HNRNPLL: variants seen among roughly 807,000 people sequenced by gnomAD.
HNRNPLL encodes the protein heterogeneous nuclear ribonucleoprotein L-like.
A neutral mutation model predicts 67.1 loss-of-function variants in HNRNPLL; 25 were observed. That is an observed-to-expected ratio of 0.37 (90% confidence interval 0.27 to 0.52). The LOEUF (loss-of-function observed/expected upper bound fraction) is 0.52, where lower values mean the gene tolerates loss of function less well. Among genes scored for constraint, HNRNPLL ranks in the 20% least tolerant of loss-of-function variants. HNRNPLL has a pLI of 0.90. For missense variants in HNRNPLL, 542 were observed against 673.9 expected (o/e 0.80, Z 2.17); for synonymous variants, 267 against 241.7 (o/e 1.10, Z -0.97).
At chr2:38,567,269 AT>A (rs141741843) in intron 12 of HNRNPLL, among the ~76,000 whole-genome samples, 2 of 151,270 alleles carry the variant, frequency 1.3e-5, no homozygotes, top group South Asian at 4.2e-4. Flanking sequence ...CGCCAGGTTA[AT>A]TTTTTTTTAT....
At chr2:38,581,614 T>A in intron 6 of HNRNPLL, 1 of 472,792 alleles carries the variant, frequency 2.1e-6, no homozygotes, top group Non-Finnish European at 3.7e-6. Context: ...ATATTCTGAA[T>A]CAGTTTCCTC....
At chr2:38,599,929 G>T (rs765191130) in intron 1 of HNRNPLL, 41 of 470,440 alleles carry the variant, frequency 8.7e-5, no homozygotes, top group Non-Finnish European at 1.7e-4. Context: ...GACCACAAAG[G>T]TATTTCTTCT....
chr2:38,597,472 C>T (rs1228498168), intron 1 of HNRNPLL, among the ~76,000 whole-genome samples: 1 of 152,168 alleles, frequency 6.6e-6, no homozygotes, highest in Non-Finnish European at 1.5e-5. Context: ...AAAGTTTTAA[C>T]GGGCAGCTGT....
intron 2 of HNRNPLL, among the ~76,000 whole-genome samples, chr2:38,587,601 T>C (rs929657136): frequency 6.6e-6 from 1 of 152,006 alleles, no homozygotes; most frequent in Non-Finnish European, 1.5e-5. Flanking sequence ...ACATGAAAAA[T>C]AGAAAATGCT....
chr2:38,595,747 G>C (rs892517264), intron 1 of HNRNPLL, among the ~76,000 whole-genome samples: 2 of 152,172 alleles, frequency 1.3e-5, no homozygotes, highest in African/African-American at 4.8e-5. Flanking sequence ...GGAAGGCTGA[G>C]GCAGGAGAAT....
chr2:38,589,205 C>T (rs1558542269), intron 2 of HNRNPLL, among the ~76,000 whole-genome samples: 1 of 152,170 alleles, frequency 6.6e-6, no homozygotes, highest in Non-Finnish European at 1.5e-5. Context: ...CCTGACACAA[C>T]ACAACCATTT....
At chr2:38,573,778 A>G (rs1009622486) in intron 7 of HNRNPLL, among the ~76,000 whole-genome samples, 1 of 151,892 alleles carries the variant, frequency 6.6e-6, no homozygotes, top group Non-Finnish European at 1.5e-5. Context: ...TTAAAAAATA[A>G]ACCTCCTGCC....
intron 2 of HNRNPLL, 43 bp from the exon 3 acceptor site, chr2:38,585,924 T>G: frequency 1.8e-6 from 2 of 1,133,520 alleles, no homozygotes; most frequent in Non-Finnish European, 2.7e-6. Flanking sequence ...CACAGCAAGT[T>G]CCGTTAACAT....
At chr2:38,569,620 T>C (rs962544078) in intron 9 of HNRNPLL, among the ~76,000 whole-genome samples, 184 bp downstream of exon 9, 3 of 152,208 alleles carry the variant, frequency 2.0e-5, no homozygotes, top group Non-Finnish European at 1.5e-5. Flanking sequence ...AAAGCAGGTA[T>C]CGCTAAGCAA....
chr2:38,581,665 T>C (rs1030750210), intron 6 of HNRNPLL: 3 of 533,998 alleles, frequency 5.6e-6, no homozygotes, highest in South Asian at 3.0e-5. Context: ...ATGCAAGTCC[T>C]TGAACTGCGG....
intron 8 of HNRNPLL, 71 bp downstream of exon 8, chr2:38,573,139 C>T: frequency 3.1e-6 from 3 of 965,194 alleles, no homozygotes; most frequent in Non-Finnish European, 4.7e-6. Context: ...GGAGAAGACA[C>T]ATATTTGCAG....
chr2:38,580,451 A>C (rs931287887), intron 6 of HNRNPLL, among the ~76,000 whole-genome samples: 2 of 152,242 alleles, frequency 1.3e-5, no homozygotes, highest in Non-Finnish European at 2.9e-5. Context: ...ATATGCAAAC[A>C]TGCAAAAGAT....
intron 7 of HNRNPLL, among the ~76,000 whole-genome samples, chr2:38,575,852 T>C (rs1666281972): frequency 6.6e-6 from 1 of 151,762 alleles, no homozygotes; most frequent in Non-Finnish European, 1.5e-5. Context: ...TTTTCCCCTA[T>C]TACTCATCTT....
chr2:38,580,685 A>T (rs1440932521), intron 6 of HNRNPLL, among the ~76,000 whole-genome samples: 2 of 152,222 alleles, frequency 1.3e-5, no homozygotes, highest in African/African-American at 4.8e-5. Flanking sequence ...TTTAATTTGT[A>T]TATTCCAGAA....
chr2:38,601,341 T>A lies in HNRNPLL; in HGVS notation c.189+1097A>T, dbSNP rs537499480. Reference sequence around the variant, plus strand: ...AAAAATTCAAACGGCTATAAAGGGCTTCTAATGTGCGTCTTATTTTTAAAA... The same window carrying A: ...AAAAATTCAAACGGCTATAAAGGGCATCTAATGTGCGTCTTATTTTTAAAA... On this transcript the variant is annotated intron_variant, in intron 1 of 12. Coordinates refer to ENST00000449105, the MANE Select transcript of HNRNPLL (RefSeq NM_138394.4). 2.6e-5 allele frequency among the ~76,000 whole-genome samples: 4 copies of A among 152,336 alleles called. No individual in the cohort carries two copies. In the South Asian group the frequency reaches 8.3e-4, roughly 32 times the overall value.
intron 12 of HNRNPLL, among the ~76,000 whole-genome samples, chr2:38,565,039 T>G (rs1665803629): frequency 6.6e-6 from 1 of 151,008 alleles, no homozygotes; most frequent in Non-Finnish European, 1.5e-5. Context: ...CACAAAAATA[T>G]TTCCATTTTG....
rs538828046 is a variant in HNRNPLL at position 38,592,384 on chromosome 2, G to A, written c.190-736C>T. On this transcript the variant is annotated intron_variant, in intron 1 of 12. Coordinates refer to ENST00000449105, the MANE Select transcript of HNRNPLL (RefSeq NM_138394.4). ...ATATACTTATCTTTCCTGTAACGTA[G>A]TAGATTTGTATCATCTTTTGTTCTT... Among the ~76,000 whole-genome samples the A allele has an allele frequency of 1.2e-4, 19 of 152,266 alleles. No homozygotes were observed. The East Asian group carries it at 2.3e-3, about 19-fold the overall frequency.
At chr2:38,599,108 T>C (rs761605248) in intron 1 of HNRNPLL, among the ~76,000 whole-genome samples, 1 of 152,248 alleles carries the variant, frequency 6.6e-6, no homozygotes, top group East Asian at 1.9e-4. Flanking sequence ...AACAGAATAG[T>C]GTATCCTGAA....
rs760762346 is a variant in HNRNPLL, at chr2:38,569,319, A to G, written c.1230T>C (p.His410=). The part of the protein sequence containing the change: ...KRLNVCVSKQ[H]SVVPSQIFEL... ...CAAATATTTGACTTGGAACAACTGA[A>G]TGTTGTTTAGACACGCTAAAGATTG... Residue 410 remains histidine, a synonymous_variant, in exon 10 of 13, where the codon CAT becomes CAC. Coordinates refer to ENST00000449105, the MANE Select transcript of HNRNPLL (RefSeq NM_138394.4). 4.4e-6 allele frequency: 7 copies of G among 1,608,938 alleles called. No individual in the cohort carries two copies. Among genetic ancestry groups the G allele is most frequent in the South Asian group, 3.3e-5 (3 of 90,926 alleles).
Sources: allele counts gnomAD v4.1 joint callset (sites outside exome capture counted in the v4.1 genomes callset), GRCh38; gene constraint gnomAD v4.1.1; transcripts MANE v1.5; gene names NCBI Gene and HGNC (gene_info 2026-07-23, HGNC 2026-07-21).